DIPK1C: variants seen among roughly 807,000 people sequenced by gnomAD.
DIPK1C encodes familial non-conventional Alzheimer's dementia.
A neutral mutation model predicts 28.0 loss-of-function variants in DIPK1C; 33 were observed. The observed-to-expected ratio is 1.18, with a 90% CI of 0.89 to 1.58. The LOEUF is 1.58. DIPK1C is among the 40% of genes most tolerant of loss of function. DIPK1C has a pLI of 0.00. For missense variants in DIPK1C, 569 were observed against 568.5 expected, an observed-to-expected ratio of 1.00 and a Z score of -0.01; for synonymous variants, 255 against 248.8, an observed-to-expected ratio of 1.02 and a Z score of -0.23.
At position 74,441,555 on chromosome 18, in the gene DIPK1C, T is replaced by C. The variant is rs143779595; in HGVS notation, c.1041+397A>G. Among the ~76,000 whole-genome samples, 220 of 152,352 alleles carry C rather than the reference T, an allele frequency of 1.4e-3. 3 individuals are homozygous for C. The highest frequency in any genetic ancestry group is 5.1e-3 in the African/African-American group (211 of 41,578). On this transcript the variant is annotated intron_variant, in intron 3 of 3. Coordinates refer to ENST00000343998, the MANE Select transcript of DIPK1C (RefSeq NM_001044369.3). ...GCCTGTCTGGATGGTGGTTTCTGTCTAACCTCTAGTTAGGCCAGTGTCTCA... is the reference window on the plus strand; with the variant it reads ...GCCTGTCTGGATGGTGGTTTCTGTCCAACCTCTAGTTAGGCCAGTGTCTCA...
Position 74,457,140 on chromosome 18 carries a change from C to G in DIPK1C, c.120G>C (p.Ala40=), listed in dbSNP as rs1986533563. The change falls in exon 1 of 4, where the codon GCG becomes GCC. Residue 40 remains alanine, a synonymous_variant. Coordinates refer to ENST00000343998, the MANE Select transcript of DIPK1C (RefSeq NM_001044369.3). ...AWTAGWVLAA[A]LLLRAHPGVL... ...CACCCGGGTGCGCGCGGAGCAGCAG[C>G]GCGGCCGCCAGCACCCAGCCCGCGG... is the stretch of plus-strand genomic sequence containing the variant. 3 of 1,431,210 alleles carry G rather than the reference C, an allele frequency of 2.1e-6. No homozygotes were observed. The highest frequency in any genetic ancestry group is 2.7e-6 in the Non-Finnish European group (3 of 1,098,038). The allele number at this position is 1,431,210 out of a possible 1,614,324, so 88.7% of individuals were successfully genotyped here.
At chr18:74,441,296 C>T (rs189068115) in intron 3 of DIPK1C, among the ~76,000 whole-genome samples, 19 of 152,290 alleles carry the variant, frequency 1.2e-4, no homozygotes, top group East Asian at 5.8e-4. Context: ...GGGCCTCCTC[C>T]GGGTATGATC....
In DIPK1C at chr18:74,449,861, G is replaced by A. The variant is rs113093938; in HGVS notation, c.199-2578C>T. On this transcript the variant is annotated intron_variant, in intron 1 of 3. Transcript: ENST00000343998. ...TTGGAATTGAACTCAACAGAATCTT[G>A]GTTAAATGTCATTCTTTGGCTTTAA... Among the ~76,000 whole-genome samples the A allele has an allele frequency of 2.0e-3, 311 of 152,210 alleles. 1 individual carries two copies. Among genetic ancestry groups the A allele is most frequent in the African/African-American group, 6.6e-3 (273 of 41,508 alleles).
At chr18:74,438,489 C>T (rs573563291) in intron 3 of DIPK1C, among the ~76,000 whole-genome samples, 68 of 152,256 alleles carry the variant, frequency 4.5e-4, no homozygotes, top group Non-Finnish European at 7.9e-4. Flanking sequence ...TTACACTCCC[C>T]GGCAATGTAT....
chr18:74,441,403 C>A (rs1986120410), intron 3 of DIPK1C, among the ~76,000 whole-genome samples: 1 of 152,146 alleles, frequency 6.6e-6, no homozygotes, highest in Admixed American at 6.5e-5. Flanking sequence ...ATGATCCAAC[C>A]CCAGATGGGG....
rs559374429 is a variant in DIPK1C, at chr18:74,444,057, A to C, written c.877-1941T>G. ...AATAAGAACAGTATTAAAAAAAAAAACAGAAAAACCTACATCATGTTTCTT... is the reference window on the plus strand; with the variant it reads ...AATAAGAACAGTATTAAAAAAAAAACCAGAAAAACCTACATCATGTTTCTT... On this transcript the variant is annotated intron_variant, in intron 2 of 3. Coordinates refer to ENST00000343998, the MANE Select transcript of DIPK1C (RefSeq NM_001044369.3). Among the ~76,000 whole-genome samples the C allele has an allele frequency of 1.9e-3, 292 of 152,146 alleles. 2 individuals carry two copies. Among genetic ancestry groups the C allele is most frequent in the Non-Finnish European group, 3.4e-3 (229 of 67,998 alleles).
chr18:74,436,305 C>T lies in DIPK1C; in HGVS notation c.*196G>A, dbSNP rs545569528. 19 of 593,662 alleles carry T rather than the reference C, an allele frequency of 3.2e-5. No homozygotes were observed. Among genetic ancestry groups the T allele is most frequent in the South Asian group, 2.4e-4 (11 of 45,980 alleles). The allele number at this position is 593,662 out of a possible 1,614,324, so 36.8% of individuals were successfully genotyped here. A position where few individuals can be genotyped will look rare whatever the true frequency, so the allele number is the denominator to read the frequency against. On this transcript the variant is annotated 3_prime_UTR_variant, in exon 4 of 4. Coordinates refer to ENST00000343998, the MANE Select transcript of DIPK1C (RefSeq NM_001044369.3). The stretch of plus-strand genomic sequence containing the variant: ...CTCCCTCATCTCATTTTACACAAGG[C>T]GACAGGTCAGAGGCCAGGGTGGGAC...
the DIPK1C span, among the ~76,000 whole-genome samples, chr18:74,463,415 G>T: frequency 1.3e-5 from 2 of 152,182 alleles, no homozygotes; most frequent in Non-Finnish European, 2.9e-5. Flanking sequence ...ACCCACAGTT[G>T]CACTGCATTC....
chr18:74,446,558 C>G (rs1007606537), intron 2 of DIPK1C, 48 bp downstream of exon 2: 2 of 1,379,934 alleles, frequency 1.4e-6, no homozygotes, highest in African/African-American at 3.0e-5. Context: ...CCTCCAGACC[C>G]GAGAGCTCCG....
chr18:74,456,652 G>A (rs1986520369), intron 1 of DIPK1C, among the ~76,000 whole-genome samples: 1 of 152,224 alleles, frequency 6.6e-6, no homozygotes, highest in African/African-American at 2.4e-5. Context: ...CCGAGAGACA[G>A]AGGCGTGGCA....
chr18:74,449,558 T>C (rs1206207422), intron 1 of DIPK1C, among the ~76,000 whole-genome samples: 1 of 152,238 alleles, frequency 6.6e-6, no homozygotes, highest in Non-Finnish European at 1.5e-5. Context: ...CCTGGCTTCC[T>C]GCTGCGGGGG....
chr18:74,458,528 T>G (rs1986567243), upstream of DIPK1C, among the ~76,000 whole-genome samples: 1 of 148,356 alleles, frequency 6.7e-6, no homozygotes, highest in South Asian at 2.1e-4. Context: ...TGACCAAACA[T>G]CAGATGAACA....
At chr18:74,439,925 G>A (rs1348837404) in intron 3 of DIPK1C, among the ~76,000 whole-genome samples, 1 of 151,406 alleles carries the variant, frequency 6.6e-6, no homozygotes, top group East Asian at 1.9e-4. Context: ...TGACATTTTG[G>A]TATATAAGGG....
upstream of DIPK1C, among the ~76,000 whole-genome samples, chr18:74,457,451 G>T (rs967730303): frequency 1.6e-3 from 247 of 152,012 alleles, 1 homozygote; most frequent in Middle Eastern, 3.4e-3. Flanking sequence ...CACCCCGCGC[G>T]CCCCGAGCAC....
chr18:74,441,804 C>T, intron 3 of DIPK1C, 148 bp downstream of exon 3: 1 of 921,640 alleles, frequency 1.1e-6, no homozygotes, highest in Non-Finnish European at 1.6e-6. Context: ...GTCCCATCCC[C>T]ACCGTCCTGC....
At chr18:74,439,257 T>C (rs1185542428) in intron 3 of DIPK1C, among the ~76,000 whole-genome samples, 1 of 152,170 alleles carries the variant, frequency 6.6e-6, no homozygotes, top group Non-Finnish European at 1.5e-5. Context: ...TTCATCTTTT[T>C]GTGTGTAAGT....
chr18:74,459,077 C>G (rs375345353), upstream of DIPK1C, among the ~76,000 whole-genome samples: 2 of 152,354 alleles, frequency 1.3e-5, no homozygotes, highest in East Asian at 1.9e-4. Context: ...CACTCTAGCC[C>G]GGACAACAGA....
At chr18:74,442,330 C>CTT (rs113419163) in intron 2 of DIPK1C, among the ~76,000 whole-genome samples, 54 of 150,868 alleles carry the variant, frequency 3.6e-4, no homozygotes, top group African/African-American at 1.2e-3. Flanking sequence ...TTTTCTTTTT[C>CTT]TTTTTTTTTT....
intron 1 of DIPK1C, among the ~76,000 whole-genome samples, chr18:74,454,463 C>T: frequency 6.6e-6 from 1 of 152,344 alleles, no homozygotes; most frequent in African/African-American, 2.4e-5. Context: ...ACTGGCAGCC[C>T]CCGCTACTGG....
Sources: gnomAD v4.1 joint callset for allele counts (sites outside exome capture counted in the v4.1 genomes callset) on GRCh38, gnomAD v4.1.1 for gene constraint, MANE v1.5 for transcripts, NCBI Gene and HGNC (gene_info 2026-07-23, HGNC 2026-07-21) for gene names.